The following LCLAT1 variants were observed in gnomAD, a reference collection of about 807,000 sequenced individuals.
The protein encoded by LCLAT1 is 1-AGP acyltransferase 8.
A neutral mutation model predicts 30.7 loss-of-function variants in LCLAT1; 11 were observed. That is an observed-to-expected ratio of 0.36 (90% CI 0.23 to 0.59). The LOEUF is 0.59. LCLAT1 is among the 20% of genes least tolerant of loss of function. The pLI is 0.77. For synonymous variants in LCLAT1, 155 were observed against 151.3 expected, an observed-to-expected ratio of 1.02 and a Z score of -0.18; for missense variants, 402 against 458.6, an observed-to-expected ratio of 0.88 and a Z score of 1.13.
chr2:30,466,202 G>A (rs1456783544), intron 1 of LCLAT1, among the ~76,000 whole-genome samples: 1 of 147,792 alleles, frequency 6.8e-6, no homozygotes, highest in Non-Finnish European at 1.5e-5. Context: ...TCATTTTAAA[G>A]TTCCGCTGTT....
intron 3 of LCLAT1, among the ~76,000 whole-genome samples, chr2:30,548,473 A>G (rs1026145578): frequency 6.6e-6 from 1 of 152,212 alleles, no homozygotes; most frequent in African/African-American, 2.4e-5. Flanking sequence ...TTACTGGTTT[A>G]CAATTGGCCG....
chr2:30,454,882 C>T (rs1681748138), intron 1 of LCLAT1, among the ~76,000 whole-genome samples: 1 of 152,128 alleles, frequency 6.6e-6, no homozygotes, highest in African/African-American at 2.4e-5. Context: ...CTAGAGGACT[C>T]CAAGGAGTGC....
chr2:30,622,010 G>A (rs1668277575), intron 5 of LCLAT1, among the ~76,000 whole-genome samples: 1 of 152,170 alleles, frequency 6.6e-6, no homozygotes, highest in Non-Finnish European at 1.5e-5. Flanking sequence ...CAGTGAGGGG[G>A]GTTGTAGCCT....
intron 5 of LCLAT1, chr2:30,607,985 CT>C: frequency 5.4e-6 from 1 of 183,988 alleles, no homozygotes; most frequent in South Asian, 1.0e-4. Flanking sequence ...TTTTGTACAA[CT>C]TTACAATAGG....
intron 1 of LCLAT1, among the ~76,000 whole-genome samples, chr2:30,518,986 C>T (rs1003532784): frequency 2.0e-5 from 3 of 152,226 alleles, no homozygotes; most frequent in Non-Finnish European, 4.4e-5. Flanking sequence ...GCCATTAAGC[C>T]ACCCAAACAC....
intron 1 of LCLAT1, among the ~76,000 whole-genome samples, chr2:30,505,344 T>G (rs1412701157): frequency 6.6e-6 from 1 of 151,902 alleles, no homozygotes; most frequent in Non-Finnish European, 1.5e-5. Context: ...TTTTTTTTTT[T>G]TTTTAACAAT....
chr2:30,545,376 A>G (rs1462618712), intron 3 of LCLAT1, among the ~76,000 whole-genome samples: 5 of 152,128 alleles, frequency 3.3e-5, no homozygotes, highest in Admixed American at 2.0e-4. Context: ...ATGTTTGCTT[A>G]CCAGATGTTT....
chr2:30,450,315 G>T (rs939537216), intron 1 of LCLAT1, among the ~76,000 whole-genome samples: 23 of 152,292 alleles, frequency 1.5e-4, no homozygotes, highest in African/African-American at 5.3e-4. Flanking sequence ...GGACAAGTGA[G>T]AGCTCATGGT....
intron 3 of LCLAT1, among the ~76,000 whole-genome samples, chr2:30,549,372 T>C (rs1375759478): frequency 1.3e-5 from 2 of 152,226 alleles, no homozygotes; most frequent in Non-Finnish European, 2.9e-5. Flanking sequence ...CTAGTACTTT[T>C]AGTACCCTTA....
At chr2:30,492,892 A>T (rs1683903202) in intron 1 of LCLAT1, among the ~76,000 whole-genome samples, 1 of 152,170 alleles carries the variant, frequency 6.6e-6, no homozygotes, top group Non-Finnish European at 1.5e-5. Flanking sequence ...TCATTTATAC[A>T]TTTCCATGTA....
In LCLAT1 at chr2:30,499,897, GATAA is replaced by G. The variant is rs74447918; in HGVS notation, c.-4-25686_-4-25683del. ...GAATGTGCTACATGAAACACTTTAA[GATAA>G]ATAGAGTTCTATGGTCATTCTCCAT... On this transcript the variant is annotated intron_variant, in intron 1 of 5. Transcript: ENST00000379509. 5.5e-3 allele frequency among the ~76,000 whole-genome samples: 831 copies of G among 152,204 alleles called. 1 individual carries two copies. The highest frequency in any genetic ancestry group is 9.8e-3 in the Non-Finnish European group (669 of 68,006).
Position 30,640,712 on chromosome 2 carries a change from G to T in LCLAT1, c.*93G>T. On this transcript the variant is annotated 3_prime_UTR_variant, in exon 6 of 6. Transcript: ENST00000379509. ...AGATGCATTTTTGCATGACTATGTC[G>T]AATATTTCTTACTGCCATCATTATT... 3 of 1,391,880 alleles carry T rather than the reference G, an allele frequency of 2.2e-6. No homozygotes were observed. Among genetic ancestry groups the T allele is most frequent in the East Asian group, 2.4e-5 (1 of 42,374 alleles). 86.2% of individuals were successfully genotyped at this position (1,391,880 alleles called of 1,614,324 possible).
At chr2:30,527,754 T>TATAG (rs1280139597) in intron 2 of LCLAT1, among the ~76,000 whole-genome samples, 1 of 152,178 alleles carries the variant, frequency 6.6e-6, no homozygotes, top group African/African-American at 2.4e-5. Context: ...GTAATAAATA[T>TATAG]ATAGCCTTTT....
At chr2:30,537,542 A>ACACG (rs1038109731) in intron 3 of LCLAT1, among the ~76,000 whole-genome samples, 5 of 151,800 alleles carry the variant, frequency 3.3e-5, no homozygotes, top group African/African-American at 1.2e-4. Flanking sequence ...ACACACACAC[A>ACACG]CACGCACGCA....
At position 30,617,253 on chromosome 2, in the gene LCLAT1, C is replaced by G. The variant is rs1668037290; in HGVS notation, c.629-22864C>G. ...GTGCTTTCTGTCACCATAGTTTTGC[C>G]TTTTCTAGATTTTCATATAAATGGA... On this transcript the variant is annotated intron_variant, in intron 5 of 5. Transcript: ENST00000379509. Among the ~76,000 whole-genome samples the G allele has an allele frequency of 2.0e-5, 3 of 152,122 alleles. No homozygotes were observed. In the South Asian group the frequency reaches 6.2e-4, roughly 32 times the overall value.
intron 3 of LCLAT1, among the ~76,000 whole-genome samples, chr2:30,545,900 A>G (rs1188528412): frequency 1.3e-5 from 2 of 152,222 alleles, no homozygotes; most frequent in East Asian, 1.9e-4. Flanking sequence ...TTTAGAAAGC[A>G]TGAAAAGGAG....
chr2:30,568,674 A>T (rs1324724322), intron 5 of LCLAT1, among the ~76,000 whole-genome samples: 1 of 150,702 alleles, frequency 6.6e-6, no homozygotes, highest in African/African-American at 2.4e-5. Flanking sequence ...CGCCCAGCTA[A>T]TTTTTTGTAT....
chr2:30,563,361 A>G (rs1000057780), intron 4 of LCLAT1, among the ~76,000 whole-genome samples: 6 of 152,336 alleles, frequency 3.9e-5, no homozygotes, highest in Middle Eastern at 3.4e-3. Flanking sequence ...CAAGGATGTT[A>G]GATAATAAGA....
chr2:30,495,608 G>C (rs1179460650), intron 1 of LCLAT1, among the ~76,000 whole-genome samples: 1 of 152,176 alleles, frequency 6.6e-6, no homozygotes, highest in Non-Finnish European at 1.5e-5. Context: ...TGCTCTTAGA[G>C]GGGTAGTGCC....
Sources: gnomAD v4.1 joint callset for allele counts (sites outside exome capture counted in the v4.1 genomes callset) on GRCh38, gnomAD v4.1.1 for gene constraint, MANE v1.5 for transcripts, NCBI Gene and HGNC (gene_info 2026-07-23, HGNC 2026-07-21) for gene names.